EIF2A: variants seen among roughly 807,000 people sequenced by gnomAD.
EIF2A encodes the protein 65 kDa eukaryotic translation initiation factor 2A.
EIF2A carries 62 observed loss-of-function variants against 75.2 expected under a neutral mutation model. The observed-to-expected ratio is 0.82, with a 90% CI of 0.67 to 1.02. EIF2A has a LOEUF of 1.02. EIF2A is among the 50% of genes least tolerant of loss of function. The pLI is 0.00. For synonymous variants in EIF2A, 207 were observed against 239.0 expected, an observed-to-expected ratio of 0.87 and a Z score of 1.23; for missense variants, 611 against 677.7, an observed-to-expected ratio of 0.90 and a Z score of 1.09.
At chr3:150,569,564 C>T (rs898800016) in intron 9 of EIF2A, among the ~76,000 whole-genome samples, 2 of 151,984 alleles carry the variant, frequency 1.3e-5, no homozygotes, top group Admixed American at 6.6e-5. Flanking sequence ...TTAAAATGTA[C>T]CCAGCACTTT....
rs141620057 is a variant in EIF2A, at chr3:150,581,851, T to A, written c.1626+105T>A. On this transcript the variant is annotated intron_variant, in intron 12 of 13. Transcript: ENST00000460851. ...AAGACAGGTATCTAAGAAGTTGGTA[T>A]CAGCAGTTCTCATTGTTGTTTTCTC... 7 of 1,312,334 alleles carry A rather than the reference T, an allele frequency of 5.3e-6. No individual in the cohort carries two copies. The South Asian group carries it at 8.9e-5, about 17-fold the overall frequency. 81.3% of individuals were successfully genotyped at this position (1,312,334 alleles called of 1,614,324 possible).
intron 9 of EIF2A, among the ~76,000 whole-genome samples, chr3:150,569,971 A>G (rs986959364): frequency 6.6e-6 from 1 of 152,204 alleles, no homozygotes; most frequent in Admixed American, 6.5e-5. Flanking sequence ...ATTTGAATCA[A>G]TGGAGGAGAA....
At chr3:150,554,773 A>G (rs1351150217) in intron 2 of EIF2A, among the ~76,000 whole-genome samples, 1 of 152,142 alleles carries the variant, frequency 6.6e-6, no homozygotes, top group Admixed American at 6.5e-5. Flanking sequence ...ACCAATTTTT[A>G]TTAGGCCCAG....
In EIF2A at chr3:150,563,548, T is replaced by TTTC; in HGVS notation, c.326_327insTTC (p.Leu109_Gln110insSer). On this transcript the variant is annotated inframe_insertion, in exon 5 of 14. Coordinates refer to ENST00000460851, the MANE Select transcript of EIF2A (RefSeq NM_032025.5). The stretch of plus-strand genomic sequence containing the variant: ...GATGGCACAGCTGGGATACCCAACC[T>TTTC]ACAACTTTATGATGTGAAAACTGGG... 6.5e-7 allele frequency: 1 copy of TTTC among 1,545,932 alleles called. No homozygotes were observed. Among genetic ancestry groups the TTTC allele is most frequent in the Non-Finnish European group, 8.7e-7 (1 of 1,146,054 alleles).
intron 3 of EIF2A, among the ~76,000 whole-genome samples, chr3:150,559,641 A>C (rs983290343): frequency 6.6e-6 from 1 of 151,702 alleles, no homozygotes; most frequent in Non-Finnish European, 1.5e-5. Flanking sequence ...CAGGCAGACA[A>C]CACCACATCT....
intron 11 of EIF2A, among the ~76,000 whole-genome samples, chr3:150,579,054 A>G (rs1725031372): frequency 2.0e-5 from 3 of 152,186 alleles, no homozygotes; most frequent in Admixed American, 1.3e-4. Context: ...GTTTGTGGGG[A>G]AAAATAAATT....
Position 150,558,413 on chromosome 3 carries a change from T to G in EIF2A, c.124T>G (p.Cys42Gly). 1 of 1,528,678 alleles carries G rather than the reference T, an allele frequency of 6.5e-7. No homozygotes were observed. Among genetic ancestry groups the G allele is most frequent in the African/African-American group, 1.4e-5 (1 of 69,942 alleles). 94.7% of individuals were successfully genotyped at this position (1,528,678 alleles called of 1,614,324 possible). A position where few individuals can be genotyped will look rare whatever the true frequency, so the allele number is the denominator to read the frequency against. Reference sequence around the variant, plus strand: ...GGAATCTGGGAAGAATTGCAAAGTCTGTATCTTTAGTAAGGATGGGACCTT... The same window carrying G: ...GGAATCTGGGAAGAATTGCAAAGTCGGTATCTTTAGTAAGGATGGGACCTT... The part of the protein sequence containing the change: ...PRESGKNCKV[C>G]IFSKDGTLFA... The change falls in exon 3 of 14, where the codon TGT (cysteine) becomes GGT (glycine). Residue 42 changes from cysteine (C) to glycine (G), a missense_variant. Cys to Gly is a radical substitution (Grantham distance 159, BLOSUM62 -3). Transcript: ENST00000460851.
At position 150,572,244 on chromosome 3, in the gene EIF2A, C is replaced by T. The variant is rs1724571807; in HGVS notation, c.1098C>T (p.Cys366=). ...VASDSTYFAW[C]PDGEHILTAT... is the part of the protein sequence containing the mutation. ...CTGATTCTACATATTTTGCTTGGTG[C>T]CCGGATGGTGAGCATATTTTAACAG... The change falls in exon 10 of 14, where the codon TGC becomes TGT. Residue 366 remains cysteine, a synonymous_variant. Coordinates refer to ENST00000460851, the MANE Select transcript of EIF2A (RefSeq NM_032025.5). The T allele has an allele frequency of 6.2e-7, 1 of 1,613,896 alleles. No homozygotes were observed. The highest frequency in any genetic ancestry group is 1.3e-5 in the African/African-American group (1 of 75,042).
intron 3 of EIF2A, 37 bp from the exon 4 acceptor site, chr3:150,562,505 A>G (rs1723940272): frequency 6.7e-7 from 1 of 1,490,004 alleles, no homozygotes; most frequent in Admixed American, 1.8e-5. Flanking sequence ...ACTATAAAAC[A>G]GTATTTCATT....
chr3:150,555,851 A>C (rs62269101), intron 2 of EIF2A, among the ~76,000 whole-genome samples: 11,413 of 152,298 alleles, frequency 0.075, 440 homozygotes, highest in Non-Finnish European at 0.091. Flanking sequence ...AGTTAAAGCA[A>C]GTATGATGGG....
At chr3:150,552,533 AT>A in intron 2 of EIF2A, 108 bp downstream of exon 2, 2 of 831,238 alleles carry the variant, frequency 2.4e-6, no homozygotes, top group Non-Finnish European at 3.7e-6. Context: ...AGATGAACTC[AT>A]TTTTATTGTA....
At chr3:150,553,390 A>G (rs557774403) in intron 2 of EIF2A, among the ~76,000 whole-genome samples, 1 of 151,746 alleles carries the variant, frequency 6.6e-6, no homozygotes, top group East Asian at 1.9e-4. Flanking sequence ...GGTTGGTGGC[A>G]TAACCATGTG....
intron 4 of EIF2A, among the ~76,000 whole-genome samples, chr3:150,563,209 A>G (rs1171324504): frequency 6.6e-6 from 1 of 152,180 alleles, no homozygotes; most frequent in Non-Finnish European, 1.5e-5. Flanking sequence ...ATATTTTTGA[A>G]TAAGTAAATG....
At chr3:150,581,952 T>C (rs1410544758) in intron 12 of EIF2A, among the ~76,000 whole-genome samples, 1 of 152,192 alleles carries the variant, frequency 6.6e-6, no homozygotes, top group Non-Finnish European at 1.5e-5. Context: ...TCTTAGTACT[T>C]TGATTTTTGG....
intron 13 of EIF2A, among the ~76,000 whole-genome samples, chr3:150,583,621 T>C (rs771107164): frequency 5.9e-5 from 9 of 152,168 alleles, no homozygotes; most frequent in East Asian, 1.9e-4. Context: ...GAATATAGAA[T>C]TGAAAATTTT....
intron 2 of EIF2A, among the ~76,000 whole-genome samples, chr3:150,553,975 C>A (rs1723443462): frequency 6.6e-6 from 1 of 152,154 alleles, no homozygotes; most frequent in Non-Finnish European, 1.5e-5. Flanking sequence ...TCTCTAAATA[C>A]AATTCTTCAC....
chr3:150,584,019 A>G lies in EIF2A; in HGVS notation c.*108A>G. 1 of 1,023,566 alleles carries G rather than the reference A, an allele frequency of 9.8e-7. No individual in the cohort carries two copies. The highest frequency in any genetic ancestry group is 1.7e-5 in the South Asian group (1 of 57,312). 63.4% of individuals were successfully genotyped at this position (1,023,566 alleles called of 1,614,324 possible). On this transcript the variant is annotated 3_prime_UTR_variant, in exon 14 of 14. Coordinates refer to ENST00000460851, the MANE Select transcript of EIF2A (RefSeq NM_032025.5). ...CTGTGCCCACACTTAATGTCAATCT[A>G]TAATTTTAACCATTTATCCAAGATT...
In EIF2A at chr3:150,572,078, A is replaced by C; in HGVS notation, c.932A>C (p.Asp311Ala). 6.2e-7 allele frequency: 1 copy of C among 1,613,952 alleles called. No individual in the cohort carries two copies. Among genetic ancestry groups the C allele is most frequent in the Non-Finnish European group, 8.5e-7 (1 of 1,179,888 alleles). ...IFNLKCDPVF[D>A]FGTGPRNAAY... is the part of the protein sequence containing the mutation. ...AACTTGAAATGTGATCCTGTATTTG[A>C]CTTTGGAACTGGTCCTCGTAATGCA... Residue 311 changes from aspartate (D) to alanine (A), a missense_variant, in exon 10 of 14, where the codon GAC (aspartate) becomes GCC (alanine). By Grantham distance (126) the Asp-to-Ala change is moderately radical. Transcript: ENST00000460851.
At position 150,581,999 on chromosome 3, in the gene EIF2A, A is replaced by G. The variant is rs1479710403; in HGVS notation, c.1626+253A>G. Among the ~76,000 whole-genome samples the G allele has an allele frequency of 2.0e-5, 3 of 151,930 alleles. No individual in the cohort carries two copies. In the East Asian group the frequency reaches 5.8e-4, roughly 29 times the overall value. On this transcript the variant is annotated intron_variant, in intron 12 of 13. Transcript: ENST00000460851. The stretch of plus-strand genomic sequence containing the variant: ...TCAGTGTGCATCAGCATAGAAATAT[A>G]CTGAACACTTTTTTTTTTTGAGACG...
Sources: gnomAD v4.1 joint callset for allele counts (sites outside exome capture counted in the v4.1 genomes callset) on GRCh38, gnomAD v4.1.1 for gene constraint, MANE v1.5 for transcripts, NCBI Gene and HGNC (gene_info 2026-07-23, HGNC 2026-07-21) for gene names.